Variants in AGPS observed in about 807,000 individuals in gnomAD.
AGPS encodes alkyldihydroxyacetonephosphate synthase, peroxisomal.
In AGPS, 26 loss-of-function variants were observed where a neutral mutation model predicts 90.7. That is an observed-to-expected ratio of 0.29 (90% CI 0.21 to 0.40). AGPS has a LOEUF of 0.40. Among genes scored for constraint, AGPS ranks in the 10% least tolerant of loss-of-function variants. The probability of loss-of-function intolerance (pLI) is 1.00; values close to 1 mark genes in which losing one functional copy is unlikely to be tolerated. For synonymous variants in AGPS, 294 were observed against 285.3 expected (o/e 1.03, Z -0.31); for missense variants, 540 against 816.1 (o/e 0.66, Z 4.12).
chr2:177,406,795 A>G (rs1402102439), intron 1 of AGPS, among the ~76,000 whole-genome samples: 6 of 152,226 alleles, frequency 3.9e-5, no homozygotes, highest in Non-Finnish European at 2.9e-5. Flanking sequence ...GCTGTTCTCT[A>G]TGACTTCTTG....
intron 1 of AGPS, among the ~76,000 whole-genome samples, chr2:177,402,667 T>A (rs772584535): frequency 1.2e-4 from 18 of 152,176 alleles, no homozygotes; most frequent in Non-Finnish European, 2.5e-4. Context: ...AAACATACGG[T>A]TAAGTGCTAA....
At chr2:177,513,680 C>T (rs1454867638) in intron 16 of AGPS, 139 bp from the exon 17 acceptor site, 2 of 666,874 alleles carry the variant, frequency 3.0e-6, no homozygotes, top group Non-Finnish European at 5.3e-6. Context: ...GGGCTCTTTT[C>T]CATTCTTGAA....
intron 9 of AGPS, among the ~76,000 whole-genome samples, chr2:177,464,227 C>T (rs1237335402): frequency 6.6e-6 from 1 of 152,186 alleles, no homozygotes; most frequent in African/African-American, 2.4e-5. Context: ...AGGCATGAGC[C>T]ACCGTGCCCA....
chr2:177,476,125 C>T (rs1056841365), intron 10 of AGPS, among the ~76,000 whole-genome samples: 2 of 151,730 alleles, frequency 1.3e-5, no homozygotes, highest in Non-Finnish European at 2.9e-5. Flanking sequence ...GGAGAACTAC[C>T]TTTTGGTTTC....
intron 13 of AGPS, among the ~76,000 whole-genome samples, chr2:177,499,060 ATACT>A (rs1688485742): frequency 6.6e-6 from 1 of 151,904 alleles, no homozygotes; most frequent in African/African-American, 2.4e-5. Flanking sequence ...CTGGTTTATA[ATACT>A]TAGTTTATGC....
chr2:177,419,056 T>C (rs905462856), intron 1 of AGPS, among the ~76,000 whole-genome samples: 4 of 151,986 alleles, frequency 2.6e-5, no homozygotes, highest in African/African-American at 9.7e-5. Flanking sequence ...AAATCATAGT[T>C]GTAAACAGAG....
rs2079231163 is a variant in AGPS at position 177,541,167 on chromosome 2, T to G, written c.*2972T>G. On this transcript the variant is annotated 3_prime_UTR_variant, in exon 20 of 20. Transcript: ENST00000264167. ...TGTTGATGTATTTTGAAAACAAAAT[T>G]GCAATAAAGGATGAGCTTCCATCGG... 6.6e-6 allele frequency: 1 copy of G among 152,102 alleles called. No homozygotes were observed. The highest frequency in any genetic ancestry group is 1.5e-5 in the Non-Finnish European group (1 of 68,004). The allele number at this position is 152,102 out of a possible 1,614,324, so 9.4% of individuals were successfully genotyped here.
intron 8 of AGPS, among the ~76,000 whole-genome samples, chr2:177,452,893 T>C (rs1374071550): frequency 6.6e-6 from 1 of 152,108 alleles, no homozygotes; most frequent in Non-Finnish European, 1.5e-5. Context: ...TTGAGTGATA[T>C]TGTAATACTT....
intron 17 of AGPS, among the ~76,000 whole-genome samples, chr2:177,518,201 A>ATCAG (rs1407844064): frequency 6.6e-6 from 1 of 152,160 alleles, no homozygotes; most frequent in Non-Finnish European, 1.5e-5. Context: ...TGGGAGGCTG[A>ATCAG]GGTGGGTGGA....
chr2:177,411,488 A>G (rs1685618537), intron 1 of AGPS, among the ~76,000 whole-genome samples: 1 of 152,208 alleles, frequency 6.6e-6, no homozygotes, highest in Non-Finnish European at 1.5e-5. Context: ...TACACTGGGA[A>G]CTGCCTGCTG....
intron 10 of AGPS, among the ~76,000 whole-genome samples, chr2:177,481,060 CT>C (rs1687929227): frequency 1.3e-5 from 2 of 152,048 alleles, no homozygotes; most frequent in Middle Eastern, 3.4e-3. Flanking sequence ...GTTTTTAATC[CT>C]GTGTTATATA....
chr2:177,466,498 C>G (rs773281022), intron 9 of AGPS, among the ~76,000 whole-genome samples: 156 of 152,226 alleles, frequency 1.0e-3, no homozygotes, highest in Non-Finnish European at 2.0e-3. Context: ...GCCCAGGAGC[C>G]TGTCTGCCTC....
chr2:177,455,849 T>A (rs1251489595), intron 8 of AGPS, among the ~76,000 whole-genome samples: 1 of 152,164 alleles, frequency 6.6e-6, no homozygotes, highest in Admixed American at 6.5e-5. Context: ...ATTTAGGGAT[T>A]TTTTAAGGAA....
At position 177,542,692 on chromosome 2, in the gene AGPS, C is replaced by CAT. The variant is rs2079247919; in HGVS notation, c.*4500_*4501dup. On this transcript the variant is annotated 3_prime_UTR_variant, in exon 20 of 20. Coordinates refer to ENST00000264167, the MANE Select transcript of AGPS (RefSeq NM_003659.4). ...TGTTGGCAGTGTTTTTCCTGAACACCATATGCACCCTAGGAAACATGTTTT... is the reference window on the plus strand; with the variant it reads ...TGTTGGCAGTGTTTTTCCTGAACACCATATATGCACCCTAGGAAACATGTTTT... 1 of 150,444 alleles carries CAT rather than the reference C, an allele frequency of 6.6e-6. No homozygotes were observed. Among genetic ancestry groups the CAT allele is most frequent in the South Asian group, 2.2e-4 (1 of 4,616 alleles). 9.3% of individuals were successfully genotyped at this position (150,444 alleles called of 1,614,324 possible).
intron 19 of AGPS, among the ~76,000 whole-genome samples, chr2:177,529,500 TA>T (rs1313770485): frequency 6.6e-6 from 1 of 152,008 alleles, no homozygotes; most frequent in Non-Finnish European, 1.5e-5. Flanking sequence ...AAAAAGGCAG[TA>T]GTCTTGTAGT....
intron 1 of AGPS, 73 bp downstream of exon 1, chr2:177,393,122 G>T: frequency 5.2e-6 from 8 of 1,549,818 alleles, no homozygotes; most frequent in South Asian, 1.2e-5. Flanking sequence ...GGGCACAGGC[G>T]AGGTGGGAAG....
intron 8 of AGPS, among the ~76,000 whole-genome samples, chr2:177,456,744 T>TA (rs1687127777): frequency 6.6e-6 from 1 of 151,918 alleles, no homozygotes; most frequent in South Asian, 2.1e-4. Flanking sequence ...CTGATAGAAA[T>TA]AAAGTGTAAC....
At chr2:177,434,963 T>G (rs142865359) in intron 3 of AGPS, among the ~76,000 whole-genome samples, 254 of 145,096 alleles carry the variant, frequency 1.8e-3, no homozygotes, top group Non-Finnish European at 3.0e-3. Flanking sequence ...GTTTCACTTT[T>G]CTGAAAGTGG....
chr2:177,537,465 A>G (rs1225732865), intron 19 of AGPS, among the ~76,000 whole-genome samples: 2 of 152,076 alleles, frequency 1.3e-5, no homozygotes, highest in Admixed American at 1.3e-4. Context: ...TAAATCTGGA[A>G]AAACAGTAGG....
Sources: gnomAD v4.1 joint callset for allele counts (sites outside exome capture counted in the v4.1 genomes callset) on GRCh38, gnomAD v4.1.1 for gene constraint, MANE v1.5 for transcripts, NCBI Gene and HGNC (gene_info 2026-07-23, HGNC 2026-07-21) for gene names.